CCM2: variants seen among roughly 807,000 people sequenced by gnomAD.
The protein encoded by CCM2 is CCM2 scaffold protein.
CCM2 carries 25 observed loss-of-function variants against 44.9 expected under a neutral mutation model. That is an observed-to-expected ratio of 0.56 (90% CI 0.41 to 0.78). The LOEUF (loss-of-function observed/expected upper bound fraction) is 0.78, where lower values mean the gene tolerates loss of function less well. CCM2 is among the 30% of genes least tolerant of loss of function. CCM2 has a pLI of 0.00. For synonymous variants in CCM2, 219 were observed against 241.1 expected, an observed-to-expected ratio of 0.91 and a Z score of 0.85; for missense variants, 481 against 580.6, an observed-to-expected ratio of 0.83 and a Z score of 1.76.
intron 1 of CCM2, among the ~76,000 whole-genome samples, chr7:45,021,300 C>T (rs1188844959): frequency 2.0e-5 from 3 of 151,922 alleles, no homozygotes; most frequent in East Asian, 1.9e-4. Context: ...CGGTGGCTCA[C>T]GCCTGTAATC....
intron 1 of CCM2, among the ~76,000 whole-genome samples, chr7:45,037,475 C>A (rs1797280484): frequency 7.4e-6 from 1 of 135,936 alleles, no homozygotes; most frequent in South Asian, 2.3e-4. Flanking sequence ...GGCTGGAGTG[C>A]AGTGGCATCT....
rs755763949 is a variant in CCM2 at position 45,073,467 on chromosome 7, C to A, written c.811C>A (p.Pro271Thr). The change falls in exon 8 of 10, where the codon CCT becomes ACT. Residue 271 changes from proline (P) to threonine (T), a missense_variant. Coordinates refer to ENST00000258781, the MANE Select transcript of CCM2 (RefSeq NM_031443.4). ...YEVEASTFCF[P>T]ESVDVGGASP... Reference sequence around the variant, plus strand: ...TACCACATTCTTTCGCAGCTGCTTCCCTGAATCTGTGGATGTGGGTGGTGC... The same window carrying A: ...TACCACATTCTTTCGCAGCTGCTTCACTGAATCTGTGGATGTGGGTGGTGC... 31 of 1,613,220 alleles carry A rather than the reference C, an allele frequency of 1.9e-5. No homozygotes were observed. Among genetic ancestry groups the A allele is most frequent in the Non-Finnish European group, 2.5e-5 (30 of 1,179,778 alleles).
At chr7:45,024,106 C>T (rs139799719) in intron 1 of CCM2, among the ~76,000 whole-genome samples, 4 of 152,254 alleles carry the variant, frequency 2.6e-5, no homozygotes, top group East Asian at 1.9e-4. Flanking sequence ...CCACCGCACC[C>T]GGCCTCTGTA....
intron 1 of CCM2, among the ~76,000 whole-genome samples, chr7:45,006,079 C>T (rs538724643): frequency 2.0e-5 from 3 of 152,066 alleles, no homozygotes; most frequent in Middle Eastern, 3.2e-3. Context: ...AAGTGGAGCC[C>T]GGGGATGGAT....
At chr7:45,073,826 G>T in intron 8 of CCM2, 1 of 569,822 alleles carries the variant, frequency 1.8e-6, no homozygotes, top group Admixed American at 3.2e-5. Context: ...TTGGGTCCTG[G>T]GGGAGGGGAG....
In CCM2 at chr7:45,048,530, C is replaced by T. The variant is rs116102941; in HGVS notation, c.204+10104C>T. 2.6e-3 allele frequency among the ~76,000 whole-genome samples: 396 copies of T among 152,166 alleles called. 3 individuals are homozygous for T. The highest frequency in any genetic ancestry group is 8.9e-3 in the African/African-American group (368 of 41,512). On this transcript the variant is annotated intron_variant, in intron 2 of 9. Transcript: ENST00000258781. ...AAGTAGAAACATTCCTCTGGGAGGCCGAGGCAGGCGGATCACGAGGTCAAG... is the reference window on the plus strand; with the variant it reads ...AAGTAGAAACATTCCTCTGGGAGGCTGAGGCAGGCGGATCACGAGGTCAAG...
At chr7:45,050,290 A>G (rs966288456) in intron 2 of CCM2, among the ~76,000 whole-genome samples, 2 of 152,106 alleles carry the variant, frequency 1.3e-5, no homozygotes, top group African/African-American at 4.8e-5. Flanking sequence ...GTGTAATTAC[A>G]CTCTGTGATG....
intron 7 of CCM2, 22 bp from the exon 8 acceptor site, chr7:45,073,438 C>T (rs2128752315): frequency 6.3e-7 from 1 of 1,585,296 alleles, no homozygotes; most frequent in Non-Finnish European, 8.7e-7. Flanking sequence ...GCCACCCGCT[C>T]ACATACCACA....
At chr7:45,024,917 T>G (rs1796622043) in intron 1 of CCM2, among the ~76,000 whole-genome samples, 1 of 152,254 alleles carries the variant, frequency 6.6e-6, no homozygotes, top group Admixed American at 6.5e-5. Context: ...AAAATTGAGT[T>G]CATCGTTGTT....
intron 2 of CCM2, among the ~76,000 whole-genome samples, chr7:45,047,911 TTTAA>T (rs1797835331): frequency 1.3e-5 from 2 of 152,228 alleles, no homozygotes; most frequent in African/African-American, 4.8e-5. Context: ...AAAATAAAAG[TTTAA>T]TTATAAAGAA....
chr7:45,052,530 C>T (rs1264778448), intron 2 of CCM2, among the ~76,000 whole-genome samples: 1 of 152,224 alleles, frequency 6.6e-6, no homozygotes, highest in African/African-American at 2.4e-5. Flanking sequence ...ACTGTTAGCA[C>T]AGTCCTGCAG....
intron 2 of CCM2, among the ~76,000 whole-genome samples, chr7:45,053,644 T>C (rs574141535): frequency 6.6e-6 from 1 of 152,298 alleles, no homozygotes; most frequent in South Asian, 2.1e-4. Context: ...GAAGGTCTTA[T>C]TACCCCCTTG....
chr7:45,043,359 A>G (rs1161271458), intron 2 of CCM2, among the ~76,000 whole-genome samples: 2 of 152,244 alleles, frequency 1.3e-5, no homozygotes, highest in African/African-American at 4.8e-5. Flanking sequence ...ACAGACACCA[A>G]TACAAACATA....
At chr7:45,030,013 G>A (rs1796886161) in intron 1 of CCM2, among the ~76,000 whole-genome samples, 1 of 152,174 alleles carries the variant, frequency 6.6e-6, no homozygotes, top group Admixed American at 6.5e-5. Flanking sequence ...TCTTTGCACA[G>A]CGCTGCATGG....
chr7:45,064,330 G>T, intron 3 of CCM2, 133 bp from the exon 4 acceptor site: 2 of 875,944 alleles, frequency 2.3e-6, no homozygotes, highest in Non-Finnish European at 3.7e-6. Context: ...TGTTCTGAGG[G>T]GAATAACACT....
chr7:45,022,183 G>A (rs971282091), intron 1 of CCM2, among the ~76,000 whole-genome samples: 1 of 150,540 alleles, frequency 6.6e-6, no homozygotes, highest in Admixed American at 6.6e-5. Context: ...TGAATGTGAA[G>A]CAATGAGAAC....
chr7:45,068,235 C>T, intron 4 of CCM2: 1 of 636,516 alleles, frequency 1.6e-6, no homozygotes. Flanking sequence ...GCTCTGGTGC[C>T]CTTGGAGCTC....
intron 1 of CCM2, chr7:45,027,262 A>G (rs934363911): frequency 3.4e-6 from 1 of 294,734 alleles, no homozygotes; most frequent in South Asian, 3.2e-5. Flanking sequence ...CACCCTTCGT[A>G]TGAGGCAGGT....
At chr7:45,008,020 G>C (rs1262672052) in intron 1 of CCM2, among the ~76,000 whole-genome samples, 2 of 149,408 alleles carry the variant, frequency 1.3e-5, no homozygotes, top group Non-Finnish European at 3.0e-5. Context: ...TTCCCTTGTT[G>C]GTTTATGTGG....
Sources: allele counts gnomAD v4.1 joint callset (sites outside exome capture counted in the v4.1 genomes callset), GRCh38; gene constraint gnomAD v4.1.1; transcripts MANE v1.5; gene names NCBI Gene and HGNC (gene_info 2026-07-23, HGNC 2026-07-21).